Variants in NCAM2 observed in about 807,000 individuals in gnomAD.
NCAM2 encodes the protein N-CAM-2.
NCAM2 carries 30 observed loss-of-function variants against 98.1 expected under a neutral mutation model. The observed-to-expected ratio is 0.31, with a 90% CI of 0.23 to 0.41. NCAM2 has a LOEUF of 0.41. Among genes scored for constraint, NCAM2 ranks in the 10% least tolerant of loss-of-function variants. The pLI is 1.00. For synonymous variants in NCAM2, 368 were observed against 342.4 expected, an observed-to-expected ratio of 1.07 and a Z score of -0.83; for missense variants, 867 against 1,005.8, an observed-to-expected ratio of 0.86 and a Z score of 1.87.
At chr21:21,364,650 GTACATA>G (rs1236902684) in intron 8 of NCAM2, among the ~76,000 whole-genome samples, 1 of 151,448 alleles carries the variant, frequency 6.6e-6, no homozygotes, top group East Asian at 1.9e-4. Context: ...ACATAAATAT[GTACATA>G]TACATATACA....
At chr21:21,357,251 C>A (rs974816619) in intron 8 of NCAM2, among the ~76,000 whole-genome samples, 4 of 152,072 alleles carry the variant, frequency 2.6e-5, no homozygotes, top group African/African-American at 9.7e-5. Flanking sequence ...CCTCACAGTC[C>A]TCTTTTTCAG....
At chr21:21,206,758 A>T (rs1334227548) in intron 1 of NCAM2, among the ~76,000 whole-genome samples, 2 of 152,138 alleles carry the variant, frequency 1.3e-5, no homozygotes, top group Admixed American at 1.3e-4. Context: ...AATTGGAGAA[A>T]ATGTAACTAT....
At chr21:21,373,021 A>G (rs984598151) in intron 8 of NCAM2, among the ~76,000 whole-genome samples, 46 of 151,838 alleles carry the variant, frequency 3.0e-4, no homozygotes, top group African/African-American at 1.0e-3. Context: ...TTTTGTTGTT[A>G]TATTCCAATA....
intron 9 of NCAM2, among the ~76,000 whole-genome samples, chr21:21,392,603 C>T (rs541010044): frequency 6.6e-6 from 1 of 152,126 alleles, no homozygotes; most frequent in Non-Finnish European, 1.5e-5. Flanking sequence ...CACAACCTAG[C>T]CAGGGTCTGT....
chr21:21,507,620 C>A lies in NCAM2; in HGVS notation c.2078-1231C>A, dbSNP rs138792452. Among the ~76,000 whole-genome samples the A allele has an allele frequency of 1.4e-3, 207 of 151,858 alleles. 1 individual carries two copies. Among genetic ancestry groups the A allele is most frequent in the Admixed American group, 3.8e-3 (58 of 15,240 alleles). On this transcript the variant is annotated intron_variant, in intron 15 of 17. Transcript: ENST00000400546. ...CATCCTGGCTAACACGGTGAAACCC[C>A]GTTTCTACTAAAAACACAAAAAAAT...
intron 1 of NCAM2, among the ~76,000 whole-genome samples, chr21:21,078,700 A>T (rs916620995): frequency 2.6e-5 from 4 of 152,208 alleles, no homozygotes; most frequent in African/African-American, 4.8e-5. Context: ...TACCCAAAGG[A>T]ATATAAATCA....
At chr21:21,230,918 T>A (rs539109061) in intron 1 of NCAM2, among the ~76,000 whole-genome samples, 1 of 151,360 alleles carries the variant, frequency 6.6e-6, no homozygotes, top group Non-Finnish European at 1.5e-5. Context: ...TGTAGGTGAC[T>A]GGAATATTTT....
intron 1 of NCAM2, among the ~76,000 whole-genome samples, chr21:21,040,063 T>C (rs559634526): frequency 8.8e-4 from 134 of 152,264 alleles, no homozygotes; most frequent in Admixed American, 2.7e-3. Context: ...CTCTCTACAG[T>C]CCTCTATTTT....
intron 1 of NCAM2, among the ~76,000 whole-genome samples, chr21:21,071,244 A>C (rs890215198): frequency 1.3e-5 from 2 of 152,208 alleles, no homozygotes; most frequent in Admixed American, 1.3e-4. Context: ...AGACATTTGA[A>C]AGAAAAGGAA....
At chr21:21,500,778 A>G (rs1253191801) in intron 15 of NCAM2, among the ~76,000 whole-genome samples, 1 of 152,070 alleles carries the variant, frequency 6.6e-6, no homozygotes, top group African/African-American at 2.4e-5. Flanking sequence ...TGTGATTAAC[A>G]TGTAAGGTCT....
At position 21,509,069 on chromosome 21, in the gene NCAM2, A is replaced by T. The variant is rs779289226; in HGVS notation, c.2282+14A>T. 11 of 1,612,746 alleles carry T rather than the reference A, an allele frequency of 6.8e-6. No homozygotes were observed. In the East Asian group the frequency reaches 2.2e-4, roughly 33 times the overall value. Reference sequence around the variant, plus strand: ...AGCTGCATACCTGTGAGTATCAGGCATCTACATCATGTCATATTAAACAAG... The same window carrying T: ...AGCTGCATACCTGTGAGTATCAGGCTTCTACATCATGTCATATTAAACAAG... On this transcript the variant is annotated intron_variant, in intron 16 of 17. Transcript: ENST00000400546.
intron 1 of NCAM2, among the ~76,000 whole-genome samples, chr21:21,206,553 C>A (rs1234480364): frequency 6.6e-6 from 1 of 152,064 alleles, no homozygotes; most frequent in African/African-American, 2.4e-5. Flanking sequence ...GAACACCACC[C>A]GCAATAAATT....
At chr21:21,407,296 G>C (rs1282009157) in intron 9 of NCAM2, among the ~76,000 whole-genome samples, 1 of 152,104 alleles carries the variant, frequency 6.6e-6, no homozygotes, top group African/African-American at 2.4e-5. Context: ...TTTTATTATA[G>C]ACCGGCGTTA....
rs572074665 is a variant in NCAM2, at chr21:21,132,291, T to C, written c.55+133673T>C. Among the ~76,000 whole-genome samples, 3 of 152,284 alleles carry C rather than the reference T, an allele frequency of 2.0e-5. No individual in the cohort carries two copies. In the East Asian group the frequency reaches 5.8e-4, roughly 29 times the overall value. On this transcript the variant is annotated intron_variant, in intron 1 of 17. Transcript: ENST00000400546. The stretch of plus-strand genomic sequence containing the variant: ...AGCCTTCCCTGACTCCCACCCTCTT[T>C]TCCTTATAAGAACCCTTGTGACTAC...
At chr21:21,273,628 G>C (rs1459186494) in intron 1 of NCAM2, among the ~76,000 whole-genome samples, 1 of 151,736 alleles carries the variant, frequency 6.6e-6, no homozygotes, top group African/African-American at 2.4e-5. Flanking sequence ...AGAATGGAGA[G>C]GACAGAATAA....
At chr21:21,325,007 C>A (rs2074476680) in intron 6 of NCAM2, among the ~76,000 whole-genome samples, 1 of 147,328 alleles carries the variant, frequency 6.8e-6, no homozygotes, top group African/African-American at 2.5e-5. Context: ...AAATGAAATT[C>A]TGTATTCTAA....
chr21:21,395,611 C>G (rs1427837786), intron 9 of NCAM2, among the ~76,000 whole-genome samples: 1 of 152,074 alleles, frequency 6.6e-6, no homozygotes. Flanking sequence ...CATTACCCAA[C>G]TTCAAACTAT....
At chr21:21,252,904 T>A (rs982557441) in intron 1 of NCAM2, among the ~76,000 whole-genome samples, 1 of 152,200 alleles carries the variant, frequency 6.6e-6, no homozygotes, top group South Asian at 2.1e-4. Context: ...ATATTGATGA[T>A]CATCTCTTTT....
chr21:21,346,384 A>G (rs2075189977), intron 8 of NCAM2, among the ~76,000 whole-genome samples: 1 of 152,112 alleles, frequency 6.6e-6, no homozygotes, highest in African/African-American at 2.4e-5. Flanking sequence ...CCAGATACAT[A>G]ATGGAAATAT....
Sources: allele counts gnomAD v4.1 joint callset (sites outside exome capture counted in the v4.1 genomes callset), GRCh38; gene constraint gnomAD v4.1.1; transcripts MANE v1.5; gene names NCBI Gene and HGNC (gene_info 2026-07-23, HGNC 2026-07-21).